Variants in PRKCA observed in about 807,000 individuals in gnomAD.
PRKCA encodes protein kinase C alpha type.
PRKCA carries 27 observed loss-of-function variants against 87.0 expected under a neutral mutation model. That is an observed-to-expected ratio of 0.31 (90% CI 0.23 to 0.43). The LOEUF is 0.43. Ranked by LOEUF, PRKCA falls within the 20% of genes least tolerant of loss-of-function variation. The pLI is 1.00. For missense variants in PRKCA, 518 were observed against 852.3 expected, an observed-to-expected ratio of 0.61 and a Z score of 4.88; for synonymous variants, 329 against 311.1, an observed-to-expected ratio of 1.06 and a Z score of -0.61.
chr17:66,448,125 G>A (rs1004132676), intron 2 of PRKCA, among the ~76,000 whole-genome samples: 2 of 152,122 alleles, frequency 1.3e-5, no homozygotes, highest in Admixed American at 6.5e-5. Context: ...GTGAAAGATG[G>A]CCTTTGTGTT....
chr17:66,580,195 C>T (rs1326608156), intron 3 of PRKCA, among the ~76,000 whole-genome samples: 1 of 152,228 alleles, frequency 6.6e-6, no homozygotes, highest in African/African-American at 2.4e-5. Flanking sequence ...TGATACTTTA[C>T]TCATGGAGTA....
intron 2 of PRKCA, among the ~76,000 whole-genome samples, chr17:66,463,559 C>T (rs189151880): frequency 3.5e-4 from 54 of 152,114 alleles, no homozygotes; most frequent in Middle Eastern, 3.4e-3. Flanking sequence ...CCATGCCCAG[C>T]TAATTTTTTG....
At chr17:66,715,078 T>TTGAGC (rs1436590680) in intron 8 of PRKCA, among the ~76,000 whole-genome samples, 1 of 152,018 alleles carries the variant, frequency 6.6e-6, no homozygotes, top group African/African-American at 2.4e-5. Flanking sequence ...TTCCGTTGAG[T>TTGAGC]AGTTGAGCAG....
intron 3 of PRKCA, among the ~76,000 whole-genome samples, chr17:66,508,943 G>A (rs535344137): frequency 6.6e-6 from 1 of 152,288 alleles, no homozygotes; most frequent in East Asian, 1.9e-4. Flanking sequence ...CTGGCTGTTA[G>A]CTGTGGCTGC....
At chr17:66,587,887 G>GTATATATATA (rs1371398205) in intron 3 of PRKCA, among the ~76,000 whole-genome samples, 11 of 99,014 alleles carry the variant, frequency 1.1e-4, no homozygotes, top group African/African-American at 2.4e-4. Flanking sequence ...GTGTGTGTGT[G>GTATATATATA]TGTGTGTGTA....
Position 66,485,943 on chromosome 17 carries a change from G to C in PRKCA, c.206-10258G>C, listed in dbSNP as rs187790132. Among the ~76,000 whole-genome samples, 59 of 152,288 alleles carry C rather than the reference G, an allele frequency of 3.9e-4. No homozygotes were observed. The East Asian group carries it at 7.1e-3, about 18-fold the overall frequency. On this transcript the variant is annotated intron_variant, in intron 2 of 16. Transcript: ENST00000413366. ...CATGATAAACCCTTGTATAGAACGT[G>C]TTGCAATGATTATTTTTTAGGGTCA...
intron 3 of PRKCA, among the ~76,000 whole-genome samples, chr17:66,547,919 C>T (rs1370348545): frequency 6.6e-6 from 1 of 152,154 alleles, no homozygotes; most frequent in Non-Finnish European, 1.5e-5. Context: ...TGACCAGAAA[C>T]ATTGGAAGGA....
At chr17:66,387,131 G>T (rs1910105401) in intron 2 of PRKCA, among the ~76,000 whole-genome samples, 1 of 152,198 alleles carries the variant, frequency 6.6e-6, no homozygotes, top group Admixed American at 6.5e-5. Context: ...GTGGATGATT[G>T]ACATCAACTT....
intron 3 of PRKCA, among the ~76,000 whole-genome samples, chr17:66,558,892 G>A (rs550666446): frequency 3.4e-4 from 52 of 152,212 alleles, no homozygotes; most frequent in African/African-American, 1.3e-3. Flanking sequence ...GATGACCCTC[G>A]GACCGGGCAT....
intron 16 of PRKCA, among the ~76,000 whole-genome samples, chr17:66,794,558 C>T (rs752137600): frequency 9.3e-5 from 14 of 150,604 alleles, no homozygotes; most frequent in Non-Finnish European, 1.9e-4. Flanking sequence ...CCCAGGTTCC[C>T]TAAATGTGAA....
chr17:66,445,230 A>G (rs748826255), intron 2 of PRKCA, among the ~76,000 whole-genome samples: 5 of 152,116 alleles, frequency 3.3e-5, no homozygotes, highest in Non-Finnish European at 1.5e-5. Context: ...GGTTTAATGG[A>G]GTCTCCACTT....
At chr17:66,324,512 C>G (rs1905864463) in intron 2 of PRKCA, among the ~76,000 whole-genome samples, 1 of 150,304 alleles carries the variant, frequency 6.7e-6, no homozygotes, top group African/African-American at 2.5e-5. Flanking sequence ...ATTTGGGAAG[C>G]TGAGGCAAGA....
chr17:66,368,589 G>A (rs1361164924), intron 2 of PRKCA, among the ~76,000 whole-genome samples: 1 of 150,644 alleles, frequency 6.6e-6, no homozygotes, highest in African/African-American at 2.4e-5. Context: ...ACGGGATTGC[G>A]CTATGTTGTC....
chr17:66,439,119 AT>A (rs1913573504), intron 2 of PRKCA, among the ~76,000 whole-genome samples: 1 of 152,018 alleles, frequency 6.6e-6, no homozygotes, highest in Non-Finnish European at 1.5e-5. Flanking sequence ...GTCTTGTTTA[AT>A]TTCATTCAAC....
intron 5 of PRKCA, among the ~76,000 whole-genome samples, chr17:66,651,267 A>G (rs538530361): frequency 2.0e-5 from 3 of 152,218 alleles, no homozygotes; most frequent in Admixed American, 2.0e-4. Context: ...GAGAGCTGCA[A>G]TCATCAGTTT....
At position 66,332,552 on chromosome 17, in the gene PRKCA, A is replaced by G. The variant is rs571328308; in HGVS notation, c.205+26425A>G. ...TGAAAGTATTTTCAAAGCCTCTGCT[A>G]TGGAGTATAGTGTGAGATGTGGAGA... On this transcript the variant is annotated intron_variant, in intron 2 of 16. Coordinates refer to ENST00000413366, the MANE Select transcript of PRKCA (RefSeq NM_002737.3). 6.6e-5 allele frequency among the ~76,000 whole-genome samples: 10 copies of G among 152,148 alleles called. No homozygotes were observed. The South Asian group carries it at 8.3e-4, about 13-fold the overall frequency.
At chr17:66,787,345 G>A (rs1298237855) in intron 15 of PRKCA, among the ~76,000 whole-genome samples, 1 of 152,030 alleles carries the variant, frequency 6.6e-6, no homozygotes, top group Non-Finnish European at 1.5e-5. Context: ...GCACAGTGGC[G>A]AAAGTGAAGG....
chr17:66,737,568 G>A (rs1474065150), intron 10 of PRKCA, among the ~76,000 whole-genome samples: 1 of 152,204 alleles, frequency 6.6e-6, no homozygotes, highest in African/African-American at 2.4e-5. Flanking sequence ...CTCTTGGGAG[G>A]AACCTCTCAG....
chr17:66,503,326 G>T (rs935776510), intron 3 of PRKCA, among the ~76,000 whole-genome samples: 1 of 152,090 alleles, frequency 6.6e-6, no homozygotes, highest in Non-Finnish European at 1.5e-5. Flanking sequence ...AGGTGACTTC[G>T]CAGGTTATTG....
Sources: gnomAD v4.1 joint callset for allele counts (sites outside exome capture counted in the v4.1 genomes callset) on GRCh38, gnomAD v4.1.1 for gene constraint, MANE v1.5 for transcripts, NCBI Gene and HGNC (gene_info 2026-07-23, HGNC 2026-07-21) for gene names.